PDE1A: variants seen among roughly 807,000 people sequenced by gnomAD.
PDE1A encodes phosphodiesterase 1A.
A neutral mutation model predicts 61.7 loss-of-function variants in PDE1A; 35 were observed. The observed-to-expected ratio is 0.57, with a 90% CI of 0.43 to 0.75. The LOEUF (loss-of-function observed/expected upper bound fraction) is 0.75. PDE1A is among the 30% of genes least tolerant of loss of function. The pLI is 0.00. For missense variants in PDE1A, 597 were observed against 630.6 expected (o/e 0.95, Z 0.57); for synonymous variants, 232 against 213.2 (o/e 1.09, Z -0.77).
the PDE1A span, among the ~76,000 whole-genome samples, chr2:182,662,502 T>C: frequency 6.6e-6 from 1 of 151,988 alleles, no homozygotes; most frequent in South Asian, 2.1e-4. Flanking sequence ...CATAGACCAA[T>C]GAAACAGAAT....
chr2:182,613,372 C>CT, the PDE1A span, among the ~76,000 whole-genome samples: 1 of 152,010 alleles, frequency 6.6e-6, no homozygotes, highest in Admixed American at 6.5e-5. Context: ...AACATCTTGG[C>CT]TAACACGGTG....
intron 2 of PDE1A, among the ~76,000 whole-genome samples, chr2:182,508,965 C>T (rs1689609053): frequency 6.8e-6 from 1 of 147,540 alleles, no homozygotes; most frequent in South Asian, 2.2e-4. Flanking sequence ...CCCCCCTACC[C>T]CCAGCCCACA....
At chr2:182,186,420 C>T (rs374083045) in intron 12 of PDE1A, 48 bp downstream of exon 12, 3 of 1,589,730 alleles carry the variant, frequency 1.9e-6, no homozygotes, top group Admixed American at 1.8e-5. Context: ...GAAAGTGTTA[C>T]TAAACACCAC....
the PDE1A span, among the ~76,000 whole-genome samples, chr2:182,550,584 T>C: frequency 6.6e-6 from 1 of 152,210 alleles, no homozygotes; most frequent in Non-Finnish European, 1.5e-5. Context: ...AATGAACAAT[T>C]ACGACGCTCC....
the PDE1A span, among the ~76,000 whole-genome samples, chr2:182,695,122 G>T: frequency 6.6e-6 from 1 of 151,484 alleles, no homozygotes; most frequent in Admixed American, 6.6e-5. Flanking sequence ...TTTATTCCTC[G>T]CATTATTTAA....
At chr2:182,589,293 AAGGAAGG>A in the PDE1A span, among the ~76,000 whole-genome samples, 1 of 150,020 alleles carries the variant, frequency 6.7e-6, no homozygotes, top group Non-Finnish European at 1.5e-5. Flanking sequence ...GGAAGGAAGG[AAGGAAGG>A]AAGGAAGGAA....
the PDE1A span, among the ~76,000 whole-genome samples, chr2:182,671,828 C>A: frequency 6.6e-6 from 1 of 151,488 alleles, no homozygotes; most frequent in Non-Finnish European, 1.5e-5. Flanking sequence ...ACCATGTTAG[C>A]CAGGATGGTC....
intron 2 of PDE1A, among the ~76,000 whole-genome samples, chr2:182,243,930 C>T (rs1389441663): frequency 1.3e-5 from 2 of 152,024 alleles, no homozygotes; most frequent in Non-Finnish European, 2.9e-5. Context: ...TGCAATGGTG[C>T]GATCTCGGCT....
chr2:182,435,789 C>A (rs1406889163), intron 2 of PDE1A, among the ~76,000 whole-genome samples: 1 of 151,968 alleles, frequency 6.6e-6, no homozygotes, highest in Non-Finnish European at 1.5e-5. Context: ...AGCTTTCCTC[C>A]GTATTTTAAG....
intron 7 of PDE1A, among the ~76,000 whole-genome samples, chr2:182,210,538 A>G (rs973668314): frequency 6.6e-6 from 1 of 152,142 alleles, no homozygotes; most frequent in African/African-American, 2.4e-5. Context: ...CATTCTTTGT[A>G]TATTTTGGAT....
chr2:182,659,212 T>C, the PDE1A span, among the ~76,000 whole-genome samples: 2 of 152,202 alleles, frequency 1.3e-5, no homozygotes, highest in Admixed American at 1.3e-4. Flanking sequence ...ATTCTGAATA[T>C]TTTTTCATTC....
the PDE1A span, among the ~76,000 whole-genome samples, chr2:182,711,672 ATGAGCCT>A: frequency 6.6e-6 from 1 of 152,212 alleles, no homozygotes; most frequent in Non-Finnish European, 1.5e-5. Context: ...AAAGTCCTGG[ATGAGCCT>A]CGAACATCTT....
At chr2:182,196,224 A>C (rs1471031477) in intron 10 of PDE1A, among the ~76,000 whole-genome samples, 1 of 151,948 alleles carries the variant, frequency 6.6e-6, no homozygotes, top group Non-Finnish European at 1.5e-5. Flanking sequence ...GGATTTGAAA[A>C]TCGTTTACTT....
At chr2:182,601,857 C>T in the PDE1A span, among the ~76,000 whole-genome samples, 1 of 152,188 alleles carries the variant, frequency 6.6e-6, no homozygotes, top group Non-Finnish European at 1.5e-5. Flanking sequence ...GAGCCCAGGA[C>T]TTTTATGGGC....
intron 2 of PDE1A, among the ~76,000 whole-genome samples, chr2:182,441,739 G>C (rs1684810083): frequency 1.3e-5 from 2 of 152,006 alleles, no homozygotes; most frequent in African/African-American, 4.8e-5. Context: ...AGAAGGTAAG[G>C]ATGCATTCAA....
chr2:182,477,144 A>G (rs1370311518), intron 2 of PDE1A, among the ~76,000 whole-genome samples: 2 of 151,970 alleles, frequency 1.3e-5, no homozygotes, highest in Admixed American at 6.6e-5. Context: ...AAGAACATCA[A>G]TAAGAAGCCA....
the PDE1A span, among the ~76,000 whole-genome samples, chr2:182,598,110 G>A: frequency 6.6e-6 from 1 of 152,180 alleles, no homozygotes; most frequent in South Asian, 2.1e-4. Context: ...CCTATGCACA[G>A]CCATAACAGC....
intron 12 of PDE1A, 100 bp downstream of exon 12, chr2:182,186,368 G>T: frequency 7.3e-7 from 1 of 1,372,350 alleles, no homozygotes; most frequent in South Asian, 1.3e-5. Flanking sequence ...AATAATTCTT[G>T]TGAGAATTCT....
chr2:182,222,624 C>G (rs1376589166), intron 7 of PDE1A, among the ~76,000 whole-genome samples: 2 of 151,878 alleles, frequency 1.3e-5, no homozygotes, highest in Admixed American at 1.3e-4. Context: ...TTAATAACAA[C>G]GAAACTTTAA....
Sources: allele counts gnomAD v4.1 joint callset (sites outside exome capture counted in the v4.1 genomes callset), GRCh38; gene constraint gnomAD v4.1.1; transcripts MANE v1.5; gene names NCBI Gene and HGNC (gene_info 2026-07-23, HGNC 2026-07-21).